The following PCGF5 variants were observed in gnomAD, a reference collection of about 807,000 sequenced individuals.
PCGF5 encodes the protein polycomb group RING finger protein 5.
PCGF5 carries 9 observed loss-of-function variants against 44.3 expected under a neutral mutation model. That is an observed-to-expected ratio of 0.20 (90% CI 0.12 to 0.35). The LOEUF (loss-of-function observed/expected upper bound fraction) is 0.35. PCGF5 is among the 10% of genes least tolerant of loss of function. The probability of loss-of-function intolerance (pLI) is 1.00; values close to 1 mark genes in which losing one functional copy is unlikely to be tolerated. For synonymous variants in PCGF5, 95 were observed against 102.5 expected (o/e 0.93, Z 0.44); for missense variants, 146 against 305.3 (o/e 0.48, Z 3.89).
intron 7 of PCGF5, among the ~76,000 whole-genome samples, chr10:91,262,042 A>G (rs1845925830): frequency 6.6e-6 from 1 of 152,220 alleles, no homozygotes; most frequent in African/African-American, 2.4e-5. Context: ...ATAGTAAGGA[A>G]ATATCATTTC....
At position 91,259,908 on chromosome 10, in the gene PCGF5, A is replaced by G. The variant is rs571286445; in HGVS notation, c.475-1418A>G. On this transcript the variant is annotated intron_variant, in intron 6 of 9. Coordinates refer to ENST00000336126, the MANE Select transcript of PCGF5 (RefSeq NM_032373.5). Reference sequence around the variant, plus strand: ...ACCATTCAGGACATAGGCATGGGCAAGGACTTCATGTCTAAAACACCAAAA... The same window carrying G: ...ACCATTCAGGACATAGGCATGGGCAGGGACTTCATGTCTAAAACACCAAAA... Among the ~76,000 whole-genome samples the G allele has an allele frequency of 1.3e-4, 20 of 152,128 alleles. No homozygotes were observed. The East Asian group carries it at 3.9e-3, about 29-fold the overall frequency.
At chr10:91,225,310 T>A (rs1366531237) in intron 2 of PCGF5, among the ~76,000 whole-genome samples, 1 of 148,606 alleles carries the variant, frequency 6.7e-6, no homozygotes, top group African/African-American at 2.5e-5. Context: ...CATATATATA[T>A]AACATATATG....
chr10:91,182,549 G>C (rs1454794566), intron 1 of PCGF5, among the ~76,000 whole-genome samples: 1 of 151,972 alleles, frequency 6.6e-6, no homozygotes, highest in East Asian at 1.9e-4. Context: ...ATCTCCTTTA[G>C]TTCAGCTCTG....
intron 9 of PCGF5, among the ~76,000 whole-genome samples, chr10:91,276,657 T>C (rs1372022719): frequency 6.6e-6 from 1 of 152,316 alleles, no homozygotes; most frequent in East Asian, 1.9e-4. Context: ...ATCCCAAGCA[T>C]TGCCAGTAAA....
At chr10:91,187,625 T>C (rs1843951447) in intron 1 of PCGF5, among the ~76,000 whole-genome samples, 1 of 152,212 alleles carries the variant, frequency 6.6e-6, no homozygotes, top group African/African-American at 2.4e-5. Flanking sequence ...GGGGTCCTTC[T>C]GTTTTCTGCA....
At chr10:91,167,888 A>G (rs1843527496) in intron 1 of PCGF5, among the ~76,000 whole-genome samples, 1 of 152,208 alleles carries the variant, frequency 6.6e-6, no homozygotes, top group Non-Finnish European at 1.5e-5. Context: ...GCAAGATACT[A>G]TAGAAGTGAA....
At chr10:91,229,048 A>G (rs1844929870) in intron 2 of PCGF5, among the ~76,000 whole-genome samples, 1 of 152,264 alleles carries the variant, frequency 6.6e-6, no homozygotes, top group African/African-American at 2.4e-5. Flanking sequence ...ATGCTAATAA[A>G]GGAATGAAAT....
intron 2 of PCGF5, among the ~76,000 whole-genome samples, chr10:91,238,593 C>CTTTCTTTCT (rs1412865851): frequency 5.7e-4 from 43 of 75,108 alleles, no homozygotes; most frequent in African/African-American, 2.4e-3. Context: ...TTCTTTCTTT[C>CTTTCTTTCT]TTTCTTTCTT....
intron 6 of PCGF5, among the ~76,000 whole-genome samples, chr10:91,259,891 G>T (rs373860075): frequency 0.24 from 36,730 of 151,776 alleles, 5,499 homozygotes; most frequent in Middle Eastern, 0.34. Context: ...ATACCATTCA[G>T]GACATAGGCA....
intron 1 of PCGF5, among the ~76,000 whole-genome samples, chr10:91,186,437 T>A (rs1405682789): frequency 6.6e-6 from 1 of 152,204 alleles, no homozygotes; most frequent in Non-Finnish European, 1.5e-5. Flanking sequence ...TGCATTGAAC[T>A]TTCAATGAAA....
At chr10:91,248,398 T>A in intron 3 of PCGF5, 107 bp from the exon 4 acceptor site, 3 of 1,027,864 alleles carry the variant, frequency 2.9e-6, no homozygotes, top group Non-Finnish European at 4.5e-6. Flanking sequence ...TGTGCTAAAA[T>A]TGTGTATGTA....
upstream of PCGF5, among the ~76,000 whole-genome samples, chr10:91,160,279 C>T (rs1048642293): frequency 6.6e-6 from 1 of 152,062 alleles, no homozygotes; most frequent in South Asian, 2.1e-4. Context: ...GGGATTTGGG[C>T]GAAGTATCTG....
intron 9 of PCGF5, among the ~76,000 whole-genome samples, chr10:91,274,736 G>A (rs191500797): frequency 2.5e-4 from 38 of 152,328 alleles, no homozygotes; most frequent in Admixed American, 2.1e-3. Flanking sequence ...ATTGAGAGAC[G>A]TTGCTATGTG....
chr10:91,240,406 G>A (rs1339686050), intron 2 of PCGF5, 78 bp from the exon 3 acceptor site: 1 of 928,674 alleles, frequency 1.1e-6, no homozygotes, highest in African/African-American at 1.7e-5. Context: ...TTTAAGGTCT[G>A]TTTCTAATTA....
rs1846471689 is a variant in PCGF5 at position 91,282,221 on chromosome 10, A to G, written c.*3905A>G. 6.6e-6 allele frequency: 1 copy of G among 152,240 alleles called. No individual in the cohort carries two copies. Among genetic ancestry groups the G allele is most frequent in the African/African-American group, 2.4e-5 (1 of 41,476 alleles). 9.4% of individuals were successfully genotyped at this position (152,240 alleles called of 1,614,324 possible). On this transcript the variant is annotated 3_prime_UTR_variant, in exon 10 of 10. Transcript: ENST00000336126. The stretch of plus-strand genomic sequence containing the variant: ...AACTCTAGGCCGGGCACAGTGGCTC[A>G]TGCCTGTAATCCCAGCACTTTGGGA...
At chr10:91,248,447 TA>T in intron 3 of PCGF5, 57 bp from the exon 4 acceptor site, 1 of 1,428,270 alleles carries the variant, frequency 7.0e-7, no homozygotes, top group Non-Finnish European at 9.9e-7. Flanking sequence ...TCAGACTATT[TA>T]CATGTCAGAT....
chr10:91,257,337 A>T (rs1299220510), intron 6 of PCGF5, among the ~76,000 whole-genome samples: 1 of 152,066 alleles, frequency 6.6e-6, no homozygotes, highest in African/African-American at 2.4e-5. Flanking sequence ...ACAAATTGAA[A>T]CCTTATACGT....
chr10:91,184,433 C>T (rs184146635), intron 1 of PCGF5, among the ~76,000 whole-genome samples: 1 of 152,274 alleles, frequency 6.6e-6, no homozygotes, highest in African/African-American at 2.4e-5. Context: ...TCTCTACTGG[C>T]TGTTTTGTCT....
chr10:91,261,293 A>G, intron 6 of PCGF5, 33 bp from the exon 7 acceptor site: 4 of 1,441,840 alleles, frequency 2.8e-6, no homozygotes, highest in Non-Finnish European at 3.7e-6. Flanking sequence ...TAACTGGTAG[A>G]ACATTTTAAC....
Sources: allele counts gnomAD v4.1 joint callset (sites outside exome capture counted in the v4.1 genomes callset), GRCh38; gene constraint gnomAD v4.1.1; transcripts MANE v1.5; gene names NCBI Gene and HGNC (gene_info 2026-07-23, HGNC 2026-07-21).